Variants in PTPRM observed in about 807,000 individuals in gnomAD.
PTPRM encodes protein tyrosine phosphatase receptor type M.
In PTPRM, 47 loss-of-function variants were observed where a neutral mutation model predicts 186.7. The ratio of observed to expected loss-of-function variants is 0.25; its 90% CI spans 0.20 to 0.32. The LOEUF is 0.32. Ranked by LOEUF, PTPRM falls within the 10% of genes least tolerant of loss-of-function variation. PTPRM has a pLI of 1.00. For synonymous variants in PTPRM, 668 were observed against 674.9 expected (o/e 0.99, Z 0.16); for missense variants, 1,494 against 1,865.0 (o/e 0.80, Z 3.66).
At position 7,845,025 on chromosome 18, in the gene PTPRM, C is replaced by T. The variant is rs938544228; in HGVS notation, c.197-43081C>T. 7.2e-5 allele frequency among the ~76,000 whole-genome samples: 11 copies of T among 152,206 alleles called. No homozygotes were observed. In the East Asian group the frequency reaches 1.4e-3, roughly 19 times the overall value. Reference sequence around the variant, plus strand: ...CCTGTTAAGGTTTTTATAGACAGTACTGTTAATAGACAGGATCTATAAGGT... The same window carrying T: ...CCTGTTAAGGTTTTTATAGACAGTATTGTTAATAGACAGGATCTATAAGGT... On this transcript the variant is annotated intron_variant, in intron 2 of 32. Transcript: ENST00000580170.
intron 14 of PTPRM, among the ~76,000 whole-genome samples, chr18:8,242,805 T>G (rs2094444155): frequency 6.6e-6 from 1 of 152,242 alleles, no homozygotes. Context: ...ATGTTGTCAG[T>G]GCCTTACATT....
intron 14 of PTPRM, among the ~76,000 whole-genome samples, chr18:8,209,263 A>G (rs1014260694): frequency 2.0e-5 from 3 of 152,098 alleles, no homozygotes; most frequent in African/African-American, 7.2e-5. Context: ...AAGCGAAGAG[A>G]CTGCACCGAC....
rs574952762 is a variant in PTPRM at position 7,717,801 on chromosome 18, C to T, written c.74-56348C>T. Among the ~76,000 whole-genome samples the T allele has an allele frequency of 5.9e-5, 9 of 152,298 alleles. No individual in the cohort carries two copies. In the South Asian group the frequency reaches 1.9e-3, roughly 32 times the overall value. On this transcript the variant is annotated intron_variant, in intron 1 of 32. Transcript: ENST00000580170. Reference sequence around the variant, plus strand: ...TCTAGCTGGTTCCAGCACCCACTCACCTGTGTGCTCCCTCCTGCAAGGAGT... The same window carrying T: ...TCTAGCTGGTTCCAGCACCCACTCATCTGTGTGCTCCCTCCTGCAAGGAGT...
intron 24 of PTPRM, among the ~76,000 whole-genome samples, chr18:8,372,467 C>T (rs1348861903): frequency 6.6e-6 from 1 of 152,174 alleles, no homozygotes; most frequent in African/African-American, 2.4e-5. Context: ...TGCTTATTGG[C>T]TAATTTAGTC....
chr18:8,046,344 C>A (rs1568243958), intron 7 of PTPRM, among the ~76,000 whole-genome samples: 1 of 152,172 alleles, frequency 6.6e-6, no homozygotes, highest in Non-Finnish European at 1.5e-5. Flanking sequence ...TGTCTAAAAT[C>A]AGTAGGTATA....
intron 9 of PTPRM, among the ~76,000 whole-genome samples, chr18:8,077,880 G>A (rs555137653): frequency 1.3e-5 from 2 of 152,154 alleles, no homozygotes; most frequent in Non-Finnish European, 2.9e-5. Context: ...ATATCTCTGT[G>A]TGGTAAGTCA....
Position 7,926,552 on chromosome 18 carries a change from C to G in PTPRM, c.548-16C>G. 3 of 1,576,816 alleles carry G rather than the reference C, an allele frequency of 1.9e-6. No individual in the cohort carries two copies. Among genetic ancestry groups the G allele is most frequent in the South Asian group, 1.1e-5 (1 of 87,528 alleles). The stretch of plus-strand genomic sequence containing the variant: ...ATCTCCACTTTTAATATCTTTCATT[C>G]TTTTTCTTTATGTAGCCAGGACTCC... On this transcript the variant is annotated splice_polypyrimidine_tract_variant and intron_variant, in intron 4 of 32. Coordinates refer to ENST00000580170, the MANE Select transcript of PTPRM (RefSeq NM_001105244.2).
At chr18:8,339,998 C>T in intron 22 of PTPRM, among the ~76,000 whole-genome samples, 1 of 152,022 alleles carries the variant, frequency 6.6e-6, no homozygotes, top group Admixed American at 6.5e-5. Flanking sequence ...AAAAACCCCA[C>T]AAAAAACAGG....
chr18:8,143,607 T>C, intron 13 of PTPRM, 40 bp from the exon 14 acceptor site: 1 of 1,556,624 alleles, frequency 6.4e-7, no homozygotes, highest in Non-Finnish European at 8.9e-7. Flanking sequence ...TATTCTCTCT[T>C]ACCTACAGTC....
chr18:7,948,579 A>C (rs1349715381), intron 5 of PTPRM, among the ~76,000 whole-genome samples: 2 of 152,162 alleles, frequency 1.3e-5, no homozygotes, highest in Non-Finnish European at 2.9e-5. Flanking sequence ...TGGGATGTAG[A>C]GAGGAACCTC....
At chr18:8,179,277 A>G (rs2093536871) in intron 14 of PTPRM, among the ~76,000 whole-genome samples, 1 of 152,250 alleles carries the variant, frequency 6.6e-6, no homozygotes, top group South Asian at 2.1e-4. Context: ...GAAATCAGGT[A>G]CAGAGAAACA....
At chr18:7,835,967 AT>A (rs928003745) in intron 2 of PTPRM, among the ~76,000 whole-genome samples, 6 of 151,356 alleles carry the variant, frequency 4.0e-5, no homozygotes, top group African/African-American at 1.5e-4. Context: ...CCATCCCTTT[AT>A]TTTTAGTTTA....
At chr18:8,112,068 G>C (rs6506549) in intron 11 of PTPRM, among the ~76,000 whole-genome samples, 1 of 152,074 alleles carries the variant, frequency 6.6e-6, no homozygotes, top group Non-Finnish European at 1.5e-5. Context: ...AGCATTTTAC[G>C]TGACTCAATC....
intron 19 of PTPRM, among the ~76,000 whole-genome samples, chr18:8,291,672 CA>C (rs557941156): frequency 1.3e-3 from 205 of 152,204 alleles, no homozygotes; most frequent in African/African-American, 4.8e-3. Context: ...GAACATCTTA[CA>C]AAATGTGCAC....
intron 7 of PTPRM, among the ~76,000 whole-genome samples, chr18:7,980,241 C>G (rs1364647317): frequency 6.6e-6 from 1 of 152,146 alleles, no homozygotes; most frequent in Non-Finnish European, 1.5e-5. Context: ...CTCATGTACT[C>G]TCTTTCCTAG....
intron 7 of PTPRM, among the ~76,000 whole-genome samples, chr18:8,059,103 A>T (rs1478500884): frequency 6.6e-6 from 1 of 150,868 alleles, no homozygotes; most frequent in Admixed American, 6.6e-5. Flanking sequence ...ATGTTCTTCC[A>T]TTTGTTTGTA....
chr18:7,815,100 A>C (rs1056720135), intron 2 of PTPRM: 1 of 152,344 alleles, frequency 6.6e-6, no homozygotes, highest in East Asian at 1.9e-4. Context: ...AGATCACAGC[A>C]TCAGGACAGT....
At chr18:8,304,055 T>A (rs1230416727) in intron 20 of PTPRM, among the ~76,000 whole-genome samples, 1 of 152,212 alleles carries the variant, frequency 6.6e-6, no homozygotes, top group African/African-American at 2.4e-5. Flanking sequence ...TGATTCCAAT[T>A]TACCTTATAT....
In PTPRM at chr18:7,668,492, AG is replaced by A. The variant is rs2039147283; in HGVS notation, c.73+100603del. 6.6e-6 allele frequency among the ~76,000 whole-genome samples: 1 copy of A among 152,218 alleles called. No individual in the cohort carries two copies. Among genetic ancestry groups the A allele is most frequent in the African/African-American group, 2.4e-5 (1 of 41,456 alleles). On this transcript the variant is annotated intron_variant, in intron 1 of 32. Transcript: ENST00000580170. The surrounding 1 kb of genome is among the most constrained non-coding windows in gnomAD (Gnocchi z 4.7). ...CCTAGAGAAGAATCCTCAGAACATT[AG>A]GCAGGTGCTCCTTTCGAGACAGACA...
Sources: allele counts gnomAD v4.1 joint callset (sites outside exome capture counted in the v4.1 genomes callset), GRCh38; gene constraint gnomAD v4.1.1; non-coding constraint Gnocchi (gnomAD v3.1); transcripts MANE v1.5; gene names NCBI Gene and HGNC (gene_info 2026-07-23, HGNC 2026-07-21).